Variants in CAPS2 observed in about 807,000 individuals in gnomAD.
CAPS2 encodes the protein calcyphosine 2.
A neutral mutation model predicts 86.5 loss-of-function variants in CAPS2; 98 were observed. The ratio of observed to expected loss-of-function variants is 1.13; its 90% CI spans 0.96 to 1.34. The LOEUF (loss-of-function observed/expected upper bound fraction) is 1.34. Ranked by LOEUF, CAPS2 falls within the 40% of genes most tolerant of loss-of-function variation. The pLI, the probability that CAPS2 is intolerant of heterozygous loss-of-function variation, is 0.00. For synonymous variants in CAPS2, 210 were observed against 225.1 expected (o/e 0.93, Z 0.60); for missense variants, 729 against 686.8 (o/e 1.06, Z -0.69).
chr12:75,342,654 T>C (rs145829274), intron 1 of CAPS2, among the ~76,000 whole-genome samples: 57 of 152,254 alleles, frequency 3.7e-4, no homozygotes, highest in African/African-American at 1.3e-3. Flanking sequence ...ATTTAAAAGA[T>C]TGTCTGAGCT....
At chr12:75,363,352 A>C in intron 1 of CAPS2, among the ~76,000 whole-genome samples, 1 of 152,184 alleles carries the variant, frequency 6.6e-6, no homozygotes, top group Admixed American at 6.5e-5. Context: ...ACTTAAACTC[A>C]GATGATTCCT....
intron 1 of CAPS2, among the ~76,000 whole-genome samples, chr12:75,372,184 T>C (rs1406722894): frequency 3.3e-5 from 5 of 152,102 alleles, no homozygotes; most frequent in African/African-American, 1.2e-4. Context: ...CCAGCTAATT[T>C]TTGTATTTTT....
At chr12:75,346,547 C>T (rs1162646132) in intron 1 of CAPS2, among the ~76,000 whole-genome samples, 11 of 152,222 alleles carry the variant, frequency 7.2e-5, no homozygotes, top group South Asian at 2.1e-4. Flanking sequence ...CATGCCACCA[C>T]GCTCAGCTAG....
At chr12:75,290,884 A>G (rs1238410664) in intron 13 of CAPS2, among the ~76,000 whole-genome samples, 1 of 151,534 alleles carries the variant, frequency 6.6e-6, no homozygotes, top group East Asian at 1.9e-4. Flanking sequence ...TGATTGTACT[A>G]TTGCACTCCA....
chr12:75,299,985 A>G (rs546852948), intron 8 of CAPS2, 74 bp from the exon 9 acceptor site: 33 of 596,638 alleles, frequency 5.5e-5, no homozygotes, highest in South Asian at 4.0e-4. Context: ...ATGTACAAAA[A>G]AAGTTATGTT....
intron 1 of CAPS2, among the ~76,000 whole-genome samples, chr12:75,356,107 C>G (rs2043140243): frequency 6.6e-6 from 1 of 151,924 alleles, no homozygotes; most frequent in Non-Finnish European, 1.5e-5. Flanking sequence ...CAAACCTGCC[C>G]ATGCTGCATT....
At position 75,323,527 on chromosome 12, in the gene CAPS2, T is replaced by A. The variant is rs186227856; in HGVS notation, c.132-305A>T. ...GGGAGGCCGAGGCAGGCAGATCACC[T>A]GAGGTCGGGAGATCGAGACCAGCCT... On this transcript the variant is annotated intron_variant, in intron 2 of 16. Transcript: ENST00000393284. 5.7e-4 allele frequency among the ~76,000 whole-genome samples: 87 copies of A among 152,298 alleles called. 1 individual carries two copies. The highest frequency in any genetic ancestry group is 4.1e-3 in the Admixed American group (62 of 15,284).
intron 1 of CAPS2, among the ~76,000 whole-genome samples, chr12:75,361,895 A>G (rs918149274): frequency 6.6e-6 from 1 of 152,186 alleles, no homozygotes; most frequent in African/African-American, 2.4e-5. Context: ...AACCATATCA[A>G]TAGACCTAAA....
upstream of CAPS2, chr12:75,333,824 CAT>C (rs1323257486): frequency 4.6e-5 from 7 of 151,994 alleles, no homozygotes; most frequent in African/African-American, 1.5e-4. Flanking sequence ...TTATTTGAAA[CAT>C]AGAAATACTA....
Position 75,281,956 on chromosome 12 carries a change from G to A in CAPS2, c.1612+295C>T, listed in dbSNP as rs147118041. ...AAAATAACTCTGAGAACCTGCATAT[G>A]TATTTATCTATTTTCTAAACCTATT... On this transcript the variant is annotated intron_variant, in intron 16 of 16. Coordinates refer to ENST00000393284, the Ensembl canonical transcript of CAPS2. Among the ~76,000 whole-genome samples the A allele has an allele frequency of 5.2e-3, 789 of 152,106 alleles. 4 individuals carry two copies. The highest frequency in any genetic ancestry group is 0.017 in the Middle Eastern group (5 of 292).
At chr12:75,339,085 T>C (rs183977368) in intron 1 of CAPS2, among the ~76,000 whole-genome samples, 54 of 152,334 alleles carry the variant, frequency 3.5e-4, no homozygotes, top group African/African-American at 1.1e-3. Context: ...ATGCTTATAA[T>C]AGAATGATCT....
At chr12:75,277,575 A>G in exon 17 of CAPS2, 2 of 962,810 alleles carry the variant, frequency 2.1e-6, no homozygotes, top group Non-Finnish European at 2.5e-6. Context: ...AGGTTTACAC[A>G]TATTTTCCCT....
At chr12:75,334,581 C>A, upstream of CAPS2, 9 of 1,440,506 alleles carry the variant, frequency 6.2e-6, no homozygotes, top group Non-Finnish European at 8.2e-6. Context: ...GCGACACTGA[C>A]AAGTTGATCC....
At chr12:75,305,524 A>C in intron 7 of CAPS2, 1 of 615,226 alleles carries the variant, frequency 1.6e-6, no homozygotes, top group South Asian at 1.4e-5. Flanking sequence ...TAGCAACCCT[A>C]GGGTTCCGGT....
intron 1 of CAPS2, among the ~76,000 whole-genome samples, chr12:75,377,966 T>A (rs1157049255): frequency 2.6e-5 from 4 of 152,034 alleles, no homozygotes; most frequent in African/African-American, 7.3e-5. Context: ...TATTGTCAGA[T>A]ATCTAGGAAT....
chr12:75,330,961 T>C (rs563051432), upstream of CAPS2, among the ~76,000 whole-genome samples: 1 of 152,214 alleles, frequency 6.6e-6, no homozygotes, highest in East Asian at 1.9e-4. Context: ...ATATTTTGTA[T>C]CTTTATATAG....
intron 1 of CAPS2, among the ~76,000 whole-genome samples, chr12:75,359,682 T>C (rs2043434672): frequency 6.6e-6 from 1 of 152,080 alleles, no homozygotes; most frequent in South Asian, 2.1e-4. Flanking sequence ...GACTCACACA[T>C]TGTTGACCAC....
At chr12:75,354,655 A>G (rs1850430628) in intron 1 of CAPS2, among the ~76,000 whole-genome samples, 1 of 152,214 alleles carries the variant, frequency 6.6e-6, no homozygotes, top group Non-Finnish European at 1.5e-5. Flanking sequence ...GAACCAAAAA[A>G]GGGTTTGTGT....
At chr12:75,344,889 C>A (rs1254703446) in intron 1 of CAPS2, among the ~76,000 whole-genome samples, 5 of 152,106 alleles carry the variant, frequency 3.3e-5, no homozygotes, top group Admixed American at 6.5e-5. Context: ...GATTCTTCTG[C>A]ACACTCTAAC....
Sources: gnomAD v4.1 joint callset for allele counts (sites outside exome capture counted in the v4.1 genomes callset) on GRCh38, gnomAD v4.1.1 for gene constraint, MANE v1.5 for transcripts, NCBI Gene and HGNC (gene_info 2026-07-23, HGNC 2026-07-21) for gene names.